LUZP2: variants seen among roughly 807,000 people sequenced by gnomAD.
LUZP2 encodes the protein leucine zipper protein 2.
Under a neutral mutation model 51.6 loss-of-function variants are expected in LUZP2, and 52 were observed. That is an observed-to-expected ratio of 1.01 (90% CI 0.81 to 1.27). The LOEUF (loss-of-function observed/expected upper bound fraction) is 1.27. Ranked by LOEUF, LUZP2 falls within the 50% of genes most tolerant of loss-of-function variation. The pLI is 0.00. For missense variants in LUZP2, 436 were observed against 395.4 expected (o/e 1.10, Z -0.87); for synonymous variants, 154 against 137.3 (o/e 1.12, Z -0.85).
chr11:25,040,239 CT>C (rs1858006770), intron 9 of LUZP2, among the ~76,000 whole-genome samples: 1 of 151,580 alleles, frequency 6.6e-6, no homozygotes, highest in Non-Finnish European at 1.5e-5. Context: ...AAAGCAATGA[CT>C]TGCTTGGCCA....
intron 4 of LUZP2, among the ~76,000 whole-genome samples, chr11:24,759,904 T>C (rs1347975160): frequency 1.3e-5 from 2 of 152,146 alleles, no homozygotes; most frequent in Non-Finnish European, 2.9e-5. Context: ...CAAAGCCTCA[T>C]GAGGGTCTGA....
intron 8 of LUZP2, 62 bp from the exon 9 acceptor site, chr11:24,983,064 T>C: frequency 2.0e-6 from 3 of 1,525,988 alleles, no homozygotes; most frequent in Non-Finnish European, 2.7e-6. Flanking sequence ...AAAGGGAGAA[T>C]GCAAGCAGAT....
At chr11:24,766,297 T>A (rs923033039) in intron 5 of LUZP2, among the ~76,000 whole-genome samples, 1 of 152,166 alleles carries the variant, frequency 6.6e-6, no homozygotes, top group Non-Finnish European at 1.5e-5. Context: ...CATCAAATAA[T>A]CATATTAACA....
chr11:24,554,101 T>C (rs1447363389), intron 1 of LUZP2, among the ~76,000 whole-genome samples: 4 of 152,170 alleles, frequency 2.6e-5, no homozygotes, highest in African/African-American at 9.6e-5. Context: ...ATGGCTGAGT[T>C]TTAGCTCCCA....
rs1352730912 is a variant in LUZP2, at chr11:25,080,124, C to G, written c.*1466C>G. The G allele has an allele frequency of 2.0e-5, 3 of 152,152 alleles. No individual in the cohort carries two copies. Among genetic ancestry groups the G allele is most frequent in the South Asian group, 4.1e-4 (2 of 4,834 alleles). The allele number at this position is 152,152 out of a possible 1,614,324, so 9.4% of individuals were successfully genotyped here. On this transcript the variant is annotated 3_prime_UTR_variant, in exon 12 of 12. Transcript: ENST00000336930. Reference sequence around the variant, plus strand: ...TTCATTAGCACAGGCAGGTCCCAACCACAATGGTTCAACTTAACGGTTTTT... The same window carrying G: ...TTCATTAGCACAGGCAGGTCCCAACGACAATGGTTCAACTTAACGGTTTTT...
At chr11:24,968,274 C>A (rs1388098405) in intron 7 of LUZP2, among the ~76,000 whole-genome samples, 1 of 152,112 alleles carries the variant, frequency 6.6e-6, no homozygotes, top group African/African-American at 2.4e-5. Flanking sequence ...TTAGTCTGAG[C>A]AGACCATATG....
At chr11:24,607,486 T>G (rs560956138) in intron 1 of LUZP2, among the ~76,000 whole-genome samples, 4 of 151,728 alleles carry the variant, frequency 2.6e-5, no homozygotes, top group African/African-American at 4.8e-5. Context: ...TACTCTGGAC[T>G]TTTTTTTATA....
chr11:24,823,063 C>T lies in LUZP2; in HGVS notation c.396+59755C>T, dbSNP rs968612366. Among the ~76,000 whole-genome samples, 13 of 152,242 alleles carry T rather than the reference C, an allele frequency of 8.5e-5. No individual in the cohort carries two copies. The South Asian group carries it at 1.9e-3, about 22-fold the overall frequency. On this transcript the variant is annotated intron_variant, in intron 5 of 11. Coordinates refer to ENST00000336930, the MANE Select transcript of LUZP2 (RefSeq NM_001009909.4). ...GAAATACAATGAAGAACTAGCCAGACAAGATCTCTGTTCTCATGGGGCTTA... is the reference window on the plus strand; with the variant it reads ...GAAATACAATGAAGAACTAGCCAGATAAGATCTCTGTTCTCATGGGGCTTA...
Position 24,738,312 on chromosome 11 carries a change from T to C in LUZP2, c.333+10T>C, listed in dbSNP as rs555954451. ...AAAACACCAGGCTACTGTAAGTGTG[T>C]TTCTTCTTTGTGCCTTTTGCTTTTG... On this transcript the variant is annotated intron_variant, in intron 4 of 11. Transcript: ENST00000336930. The C allele has an allele frequency of 1.9e-6, 3 of 1,603,444 alleles. No homozygotes were observed. The highest frequency in any genetic ancestry group is 1.3e-5 in the African/African-American group (1 of 74,730).
chr11:25,047,558 A>G (rs906692468), intron 9 of LUZP2, among the ~76,000 whole-genome samples: 1 of 151,936 alleles, frequency 6.6e-6, no homozygotes, highest in Non-Finnish European at 1.5e-5. Flanking sequence ...ATATTTCAGA[A>G]TTCTATATTA....
intron 5 of LUZP2, among the ~76,000 whole-genome samples, chr11:24,827,326 C>A (rs143011756): frequency 6.6e-6 from 1 of 152,076 alleles, no homozygotes; most frequent in African/African-American, 2.4e-5. Flanking sequence ...AGATAACTTA[C>A]AATATCTTTT....
At chr11:24,848,949 C>A (rs1470364557) in intron 5 of LUZP2, among the ~76,000 whole-genome samples, 1 of 151,952 alleles carries the variant, frequency 6.6e-6, no homozygotes, top group Non-Finnish European at 1.5e-5. Context: ...ATAATTAAGG[C>A]CATATATGAC....
intron 2 of LUZP2, among the ~76,000 whole-genome samples, chr11:24,731,204 G>A (rs1022959813): frequency 6.6e-6 from 1 of 151,636 alleles, no homozygotes; most frequent in Non-Finnish European, 1.5e-5. Flanking sequence ...ATTAAAAAAT[G>A]TATGAAGGCA....
rs1361512013 is a variant in LUZP2, at chr11:24,993,654, A to G, written c.765+10361A>G. Among the ~76,000 whole-genome samples, 7 of 152,192 alleles carry G rather than the reference A, an allele frequency of 4.6e-5. No individual in the cohort carries two copies. The East Asian group carries it at 1.4e-3, about 29-fold the overall frequency. On this transcript the variant is annotated intron_variant, in intron 9 of 11. Coordinates refer to ENST00000336930, the MANE Select transcript of LUZP2 (RefSeq NM_001009909.4). ...TATTGTCCTGATATCTATTTTGCCT[A>G]ATTTTATGATAGCCACACCAGTTTT...
At chr11:24,572,629 G>T (rs912821172) in intron 1 of LUZP2, among the ~76,000 whole-genome samples, 1 of 151,996 alleles carries the variant, frequency 6.6e-6, no homozygotes, top group Non-Finnish European at 1.5e-5. Context: ...GCATACAAAA[G>T]CTGGAAACAA....
At position 24,804,175 on chromosome 11, in the gene LUZP2, C is replaced by T. The variant is rs559413570; in HGVS notation, c.396+40867C>T. The stretch of plus-strand genomic sequence containing the variant: ...GATGCTCTGTGCCAGGAATGAGGCA[C>T]AAAGACCAAATACATTTTTCTTATT... On this transcript the variant is annotated intron_variant, in intron 5 of 11. Coordinates refer to ENST00000336930, the MANE Select transcript of LUZP2 (RefSeq NM_001009909.4). 3.9e-5 allele frequency among the ~76,000 whole-genome samples: 6 copies of T among 152,104 alleles called. No homozygotes were observed. The South Asian group carries it at 1.0e-3, about 26-fold the overall frequency.
intron 4 of LUZP2, among the ~76,000 whole-genome samples, chr11:24,743,821 G>A (rs2133994637): frequency 6.6e-6 from 1 of 152,222 alleles, no homozygotes; most frequent in East Asian, 1.9e-4. Context: ...TATGTCAGCT[G>A]TGGGTTTGTC....
chr11:24,841,571 A>AT (rs1278569110), intron 5 of LUZP2, among the ~76,000 whole-genome samples: 1 of 152,110 alleles, frequency 6.6e-6, no homozygotes, highest in African/African-American at 2.4e-5. Flanking sequence ...CTGTCTCAAT[A>AT]CATTTAAATT....
chr11:24,964,255 C>T (rs1002442884), intron 7 of LUZP2, among the ~76,000 whole-genome samples: 1 of 152,076 alleles, frequency 6.6e-6, no homozygotes, highest in Non-Finnish European at 1.5e-5. Context: ...GGCACATTTA[C>T]CTGCTACATG....
Sources: allele counts gnomAD v4.1 joint callset (sites outside exome capture counted in the v4.1 genomes callset), GRCh38; gene constraint gnomAD v4.1.1; transcripts MANE v1.5; gene names NCBI Gene and HGNC (gene_info 2026-07-23, HGNC 2026-07-21).